The following PLCH1 variants were observed in gnomAD, a reference collection of about 807,000 sequenced individuals.
PLCH1 encodes the protein 1-phosphatidylinositol 4,5-bisphosphate phosphodiesterase eta-1.
Under a neutral mutation model 126.7 loss-of-function variants are expected in PLCH1, and 60 were observed. That is an observed-to-expected ratio of 0.47 (90% CI 0.38 to 0.59). The LOEUF (loss-of-function observed/expected upper bound fraction) is 0.59. PLCH1 is among the 20% of genes least tolerant of loss of function. PLCH1 has a pLI of 0.00. For missense variants in PLCH1, 1,723 were observed against 2,040.0 expected (o/e 0.84, Z 2.99); for synonymous variants, 719 against 734.9 (o/e 0.98, Z 0.35).
chr3:155,621,710 G>C (rs1448222438), intron 2 of PLCH1, among the ~76,000 whole-genome samples: 1 of 152,042 alleles, frequency 6.6e-6, no homozygotes, highest in Non-Finnish European at 1.5e-5. Context: ...CAAGATTAGA[G>C]AAAAAAGAGT....
At chr3:155,526,472 TCTTTCTC>T (rs1721944528) in intron 10 of PLCH1, among the ~76,000 whole-genome samples, 2 of 57,024 alleles carry the variant, frequency 3.5e-5, no homozygotes, top group East Asian at 2.6e-4. Flanking sequence ...CTTTCTCTCT[TCTTTCTC>T]TCTCTCTCAT....
At chr3:155,647,921 A>G (rs981103456) in intron 2 of PLCH1, among the ~76,000 whole-genome samples, 1 of 152,128 alleles carries the variant, frequency 6.6e-6, no homozygotes, top group Admixed American at 6.6e-5. Context: ...TTTCCCTGGT[A>G]TTTACTGCCC....
chr3:155,577,882 A>C (rs1377036782), intron 6 of PLCH1, among the ~76,000 whole-genome samples: 1 of 152,194 alleles, frequency 6.6e-6, no homozygotes, highest in Non-Finnish European at 1.5e-5. Flanking sequence ...TTAATTCCTC[A>C]CATTGCCACA....
chr3:155,740,406 CAAAA>C (rs60626575), intron 1 of PLCH1, among the ~76,000 whole-genome samples: 5 of 102,176 alleles, frequency 4.9e-5, no homozygotes, highest in Admixed American at 2.0e-4. Context: ...GACTCTGTCT[CAAAA>C]AAAAAAAAAA....
At chr3:155,469,526 C>G (rs1407580619) in intron 21 of PLCH1, among the ~76,000 whole-genome samples, 2 of 152,118 alleles carry the variant, frequency 1.3e-5, no homozygotes, top group African/African-American at 4.8e-5. Context: ...CCCAGGCTTG[C>G]TTAGGTAAAC....
intron 21 of PLCH1, among the ~76,000 whole-genome samples, chr3:155,465,301 C>T (rs1486754988): frequency 1.5e-4 from 23 of 152,030 alleles, no homozygotes; most frequent in Non-Finnish European, 2.2e-4. Flanking sequence ...AGCTCAGCCA[C>T]AGCAGATGGT....
chr3:155,729,435 G>A (rs1356270589), intron 1 of PLCH1, among the ~76,000 whole-genome samples: 2 of 152,158 alleles, frequency 1.3e-5, no homozygotes, highest in African/African-American at 4.8e-5. Flanking sequence ...CTGGAGAGTG[G>A]GATGTTGCAG....
At chr3:155,679,961 A>G (rs1744380059) in intron 2 of PLCH1, among the ~76,000 whole-genome samples, 3 of 152,144 alleles carry the variant, frequency 2.0e-5, no homozygotes, top group African/African-American at 4.8e-5. Flanking sequence ...AACCATGTCT[A>G]AAGTTTTAGG....
intron 2 of PLCH1, among the ~76,000 whole-genome samples, chr3:155,647,831 A>G (rs1173005826): frequency 6.6e-6 from 1 of 152,184 alleles, no homozygotes; most frequent in African/African-American, 2.4e-5. Flanking sequence ...TAGAATATTC[A>G]TGCAGCACTC....
At chr3:155,679,243 T>C (rs1744321602) in intron 2 of PLCH1, among the ~76,000 whole-genome samples, 1 of 152,232 alleles carries the variant, frequency 6.6e-6, no homozygotes, top group African/African-American at 2.4e-5. Context: ...ATATTTTCTG[T>C]ATTTTTTTCC....
intron 2 of PLCH1, among the ~76,000 whole-genome samples, chr3:155,673,114 C>A (rs2108990863): frequency 1.9e-5 from 2 of 103,994 alleles, no homozygotes; most frequent in Middle Eastern, 0.018. Flanking sequence ...ATTACCAGGT[C>A]TTTATTATAA....
At chr3:155,586,532 C>T (rs1731398914) in intron 4 of PLCH1, among the ~76,000 whole-genome samples, 1 of 152,036 alleles carries the variant, frequency 6.6e-6, no homozygotes, top group Non-Finnish European at 1.5e-5. Context: ...CATGGTGAAA[C>T]CCTGTCTCTA....
intron 2 of PLCH1, among the ~76,000 whole-genome samples, chr3:155,622,937 C>G (rs1268930708): frequency 2.0e-5 from 3 of 152,154 alleles, no homozygotes; most frequent in Non-Finnish European, 4.4e-5. Context: ...CAGAACTCTC[C>G]ACCCCAAATC....
chr3:155,576,193 T>G (rs1729923053), intron 6 of PLCH1, among the ~76,000 whole-genome samples: 1 of 151,984 alleles, frequency 6.6e-6, no homozygotes, highest in Non-Finnish European at 1.5e-5. Context: ...TAGGTGGTTG[T>G]TTGGCAAATA....
chr3:155,545,949 C>T (rs1344623056), intron 10 of PLCH1, among the ~76,000 whole-genome samples: 2 of 151,928 alleles, frequency 1.3e-5, no homozygotes, highest in Non-Finnish European at 2.9e-5. Context: ...TGGGCAAAAA[C>T]TGGAAGCATT....
intron 2 of PLCH1, among the ~76,000 whole-genome samples, chr3:155,696,872 A>G (rs1745857011): frequency 6.6e-6 from 1 of 152,196 alleles, no homozygotes; most frequent in African/African-American, 2.4e-5. Context: ...CTCATGGAAA[A>G]AGCCATCCAA....
chr3:155,622,558 A>T (rs1331624199), intron 2 of PLCH1, among the ~76,000 whole-genome samples: 12 of 150,340 alleles, frequency 8.0e-5, no homozygotes, highest in African/African-American at 3.0e-4. Flanking sequence ...AAATAAAGAA[A>T]TGGAGGAATA....
chr3:155,743,857 A>C (rs1318363402), intron 1 of PLCH1: 1 of 183,152 alleles, frequency 5.5e-6, no homozygotes, highest in African/African-American at 2.4e-5. Context: ...CACTTCACTG[A>C]ATTTTCTAAC....
intron 21 of PLCH1, among the ~76,000 whole-genome samples, chr3:155,470,394 C>G (rs188286381): frequency 6.6e-6 from 1 of 151,996 alleles, no homozygotes; most frequent in Non-Finnish European, 1.5e-5. Flanking sequence ...TAAAAAGAAA[C>G]GAGTAAAGCC....
Sources: allele counts gnomAD v4.1 joint callset (sites outside exome capture counted in the v4.1 genomes callset), GRCh38; gene constraint gnomAD v4.1.1; transcripts MANE v1.5; gene names NCBI Gene and HGNC (gene_info 2026-07-23, HGNC 2026-07-21).